Variants in TENM3 observed in about 807,000 individuals in gnomAD.
The protein encoded by TENM3 is teneurin-3.
A neutral mutation model predicts 255.1 loss-of-function variants in TENM3; 63 were observed. The ratio of observed to expected loss-of-function variants is 0.25; its 90% confidence interval spans 0.20 to 0.30. TENM3 has a LOEUF of 0.30. Among genes scored for constraint, TENM3 ranks in the 10% least tolerant of loss-of-function variants. The probability of loss-of-function intolerance (pLI) is 1.00; values close to 1 mark genes in which losing one functional copy is unlikely to be tolerated. For synonymous variants in TENM3, 1,306 were observed against 1,322.3 expected (o/e 0.99, Z 0.27); for missense variants, 2,929 against 3,461.1 (o/e 0.85, Z 3.86).
chr4:182,329,251 G>A (rs1412670560), intron 2 of TENM3, among the ~76,000 whole-genome samples: 1 of 152,180 alleles, frequency 6.6e-6, no homozygotes, highest in Non-Finnish European at 1.5e-5. Context: ...GTGGAATGGG[G>A]TGAAGCCCTA....
intron 3 of TENM3, among the ~76,000 whole-genome samples, chr4:182,353,861 G>A (rs1201790176): frequency 6.6e-6 from 1 of 151,982 alleles, no homozygotes; most frequent in African/African-American, 2.4e-5. Context: ...AGCTACTCGG[G>A]AGGCTGATGC....
chr4:182,499,776 T>G (rs1002899911), intron 3 of TENM3, among the ~76,000 whole-genome samples: 1 of 152,158 alleles, frequency 6.6e-6, no homozygotes, highest in African/African-American at 2.4e-5. Flanking sequence ...AACTGAAAAT[T>G]GAATAAACCC....
chr4:181,594,150 A>C, the TENM3 span, among the ~76,000 whole-genome samples: 1,209 of 152,320 alleles, frequency 7.9e-3, 8 homozygotes, highest in Middle Eastern at 0.017. Flanking sequence ...ACATGTAACG[A>C]TTTAAAACTA....
At chr4:182,610,229 C>A (rs1305969989) in intron 4 of TENM3, among the ~76,000 whole-genome samples, 1 of 152,120 alleles carries the variant, frequency 6.6e-6, no homozygotes, top group African/African-American at 2.4e-5. Context: ...AGAGATAATT[C>A]ATAAAATGAA....
chr4:182,057,317 T>C, the TENM3 span, among the ~76,000 whole-genome samples: 12 of 151,584 alleles, frequency 7.9e-5, no homozygotes, highest in Non-Finnish European at 1.6e-4. Flanking sequence ...AGAGAAATTA[T>C]AAACTGCTGC....
At chr4:182,438,802 C>T (rs1197075414) in intron 3 of TENM3, among the ~76,000 whole-genome samples, 2 of 152,200 alleles carry the variant, frequency 1.3e-5, no homozygotes, top group African/African-American at 2.4e-5. Flanking sequence ...TTCTAAAATA[C>T]TCTAACTTCT....
At chr4:182,342,324 G>A (rs1426592297) in intron 2 of TENM3, among the ~76,000 whole-genome samples, 2 of 152,154 alleles carry the variant, frequency 1.3e-5, no homozygotes, top group Non-Finnish European at 2.9e-5. Flanking sequence ...GAGTACTGAT[G>A]CATGCTATGA....
At chr4:182,485,352 C>A (rs932907125) in intron 3 of TENM3, among the ~76,000 whole-genome samples, 1 of 151,688 alleles carries the variant, frequency 6.6e-6, no homozygotes, top group Non-Finnish European at 1.5e-5. Flanking sequence ...ATGAACATTT[C>A]AGATGACTTC....
intron 3 of TENM3, among the ~76,000 whole-genome samples, chr4:182,575,475 G>A (rs1467950407): frequency 1.3e-5 from 2 of 152,118 alleles, no homozygotes; most frequent in African/African-American, 4.8e-5. Flanking sequence ...ACTGTGTTAC[G>A]GAAGTAGATG....
At chr4:182,055,082 C>T in the TENM3 span, among the ~76,000 whole-genome samples, 2 of 152,146 alleles carry the variant, frequency 1.3e-5, no homozygotes, top group Non-Finnish European at 2.9e-5. Flanking sequence ...CACAGTGGCT[C>T]ATGCCTTTAA....
chr4:181,771,341 G>A, the TENM3 span, among the ~76,000 whole-genome samples: 253 of 152,294 alleles, frequency 1.7e-3, 3 homozygotes, highest in Non-Finnish European at 4.1e-4. Context: ...AATGTAATAG[G>A]TGATGCACTG....
chr4:182,134,471 A>G, the TENM3 span, among the ~76,000 whole-genome samples: 1 of 152,128 alleles, frequency 6.6e-6, no homozygotes, highest in Non-Finnish European at 1.5e-5. Context: ...CCCTCTTTAT[A>G]GACTCTTAGC....
intron 3 of TENM3, among the ~76,000 whole-genome samples, chr4:182,496,738 G>C (rs1411310249): frequency 1.3e-5 from 2 of 152,186 alleles, no homozygotes; most frequent in Non-Finnish European, 2.9e-5. Flanking sequence ...CTCCTGCTGA[G>C]TGTGCTTTAC....
chr4:182,159,803 C>T (rs1750986363), intron 1 of TENM3, among the ~76,000 whole-genome samples: 1 of 152,070 alleles, frequency 6.6e-6, no homozygotes, highest in Non-Finnish European at 1.5e-5. Flanking sequence ...GTAGTGGACG[C>T]TCATACTGAC....
chr4:182,047,500 T>C, the TENM3 span, among the ~76,000 whole-genome samples: 117 of 134,592 alleles, frequency 8.7e-4, no homozygotes, highest in Admixed American at 1.5e-3. Flanking sequence ...AGGTGGAGAT[T>C]GCAGTGAGCC....
chr4:181,562,769 G>T, the TENM3 span, among the ~76,000 whole-genome samples: 1 of 151,782 alleles, frequency 6.6e-6, no homozygotes, highest in Non-Finnish European at 1.5e-5. Context: ...CTGCCTCCTG[G>T]GTTCAAGTGA....
the TENM3 span, among the ~76,000 whole-genome samples, chr4:181,535,256 T>C: frequency 1.3e-5 from 2 of 152,156 alleles, no homozygotes; most frequent in African/African-American, 4.8e-5. Context: ...TAGGGATTGG[T>C]GATGTTCAGT....
chr4:182,582,767 A>T (rs142061155), intron 3 of TENM3, among the ~76,000 whole-genome samples: 89 of 152,300 alleles, frequency 5.8e-4, no homozygotes, highest in African/African-American at 2.1e-3. Context: ...TAATGGAGAG[A>T]ATGTTTTTAA....
At chr4:182,373,561 C>T (rs1766985787) in intron 3 of TENM3, among the ~76,000 whole-genome samples, 1 of 152,138 alleles carries the variant, frequency 6.6e-6, no homozygotes, top group Non-Finnish European at 1.5e-5. Context: ...CCTGCATGAA[C>T]TAATAGGGTG....
Sources: gnomAD v4.1 joint callset for allele counts (sites outside exome capture counted in the v4.1 genomes callset) on GRCh38, gnomAD v4.1.1 for gene constraint, MANE v1.5 for transcripts, NCBI Gene and HGNC (gene_info 2026-07-23, HGNC 2026-07-21) for gene names.